The following DIS3L2 variants were observed in gnomAD, a reference collection of about 807,000 sequenced individuals.
DIS3L2 encodes the protein DIS3 like 3'-5' exoribonuclease 2.
DIS3L2 carries 34 observed loss-of-function variants against 97.5 expected under a neutral mutation model. The ratio of observed to expected loss-of-function variants is 0.35; its 90% CI spans 0.27 to 0.46. The LOEUF (loss-of-function observed/expected upper bound fraction) is 0.46. Ranked by LOEUF, DIS3L2 falls within the 20% of genes least tolerant of loss-of-function variation. The pLI is 1.00. For synonymous variants in DIS3L2, 435 were observed against 445.2 expected, an observed-to-expected ratio of 0.98 and a Z score of 0.29; for missense variants, 1,038 against 1,146.0, an observed-to-expected ratio of 0.91 and a Z score of 1.36.
At chr2:232,295,883 C>T (rs1694714315) in intron 13 of DIS3L2, among the ~76,000 whole-genome samples, 1 of 152,218 alleles carries the variant, frequency 6.6e-6, no homozygotes, top group South Asian at 2.1e-4. Context: ...CTCCTTGAGG[C>T]ATGTTCTCTC....
chr2:232,263,413 T>C lies in DIS3L2; in HGVS notation c.1632T>C (p.Phe544=), dbSNP rs2106281371. ...CCAAGCAGTTACGCCAGCAGCGCTT[T>C]GTGGACGGCGCACTTCGTTTGGATC... The part of the protein sequence containing the change: ...GIAKQLRQQR[F]VDGALRLDQL... The change falls in exon 13 of 21, where the codon TTT becomes TTC. Residue 544 remains phenylalanine (F), a synonymous_variant. Coordinates refer to ENST00000325385, the MANE Select transcript of DIS3L2 (RefSeq NM_152383.5). The C allele has an allele frequency of 3.1e-6, 5 of 1,614,190 alleles. No individual in the cohort carries two copies. The highest frequency in any genetic ancestry group is 4.2e-6 in the Non-Finnish European group (5 of 1,180,024).
At chr2:232,166,782 A>G (rs1690836436) in intron 9 of DIS3L2, among the ~76,000 whole-genome samples, 3 of 152,010 alleles carry the variant, frequency 2.0e-5, no homozygotes, top group Admixed American at 2.0e-4. Flanking sequence ...GCATTTGGGG[A>G]GGCCAAGGTG....
At chr2:232,001,557 C>CTTTTTTTTGTTT (rs1693904618) in intron 1 of DIS3L2, among the ~76,000 whole-genome samples, 1 of 61,920 alleles carries the variant, frequency 1.6e-5, no homozygotes, top group African/African-American at 8.7e-5. Context: ...TGCCATTTGT[C>CTTTTTTTTGTTT]TTTTTTTTTT....
chr2:232,161,074 C>T (rs1424544859), intron 8 of DIS3L2, among the ~76,000 whole-genome samples: 2 of 152,034 alleles, frequency 1.3e-5, no homozygotes, highest in Non-Finnish European at 2.9e-5. Context: ...TGCACCATCA[C>T]GCCCAGCTAA....
intron 5 of DIS3L2, among the ~76,000 whole-genome samples, chr2:232,082,766 A>G (rs144208696): frequency 1.3e-5 from 2 of 152,334 alleles, no homozygotes; most frequent in African/African-American, 4.8e-5. Flanking sequence ...GTTTTTGAAT[A>G]TGCTCTACAG....
intron 10 of DIS3L2, among the ~76,000 whole-genome samples, chr2:232,237,188 A>G (rs985881849): frequency 3.9e-5 from 6 of 152,150 alleles, no homozygotes; most frequent in Non-Finnish European, 8.8e-5. Context: ...CACATACACT[A>G]TATTTGATAG....
chr2:232,037,113 A>G lies in DIS3L2; in HGVS notation c.366+7033A>G, dbSNP rs1309133062. Among the ~76,000 whole-genome samples, 2 of 152,204 alleles carry G rather than the reference A, an allele frequency of 1.3e-5. No homozygotes were observed. Among genetic ancestry groups the G allele is most frequent in the African/African-American group, 4.8e-5 (2 of 41,458 alleles). On this transcript the variant is annotated intron_variant, in intron 5 of 20. Transcript: ENST00000325385. This position sits in a 1 kb window ranked among gnomAD's most constrained non-coding sequence, Gnocchi z 4.6. ...TCAGAGCTGGCAGGCAGGAATGTTT[A>G]AGTCTGCTGAAGCTGCACCCACATC...
At chr2:231,965,744 T>G (rs960465464) in intron 1 of DIS3L2, among the ~76,000 whole-genome samples, 3 of 152,190 alleles carry the variant, frequency 2.0e-5, no homozygotes, top group Admixed American at 1.3e-4. Flanking sequence ...ACTATGGCTG[T>G]GACAAGTGTT....
At chr2:231,996,554 C>G (rs1693736824) in intron 1 of DIS3L2, among the ~76,000 whole-genome samples, 1 of 152,162 alleles carries the variant, frequency 6.6e-6, no homozygotes, top group Non-Finnish European at 1.5e-5. Flanking sequence ...ATTTGAAACA[C>G]ACAAAAGTAG....
chr2:232,149,200 T>A (rs1358880265), intron 8 of DIS3L2, among the ~76,000 whole-genome samples: 1 of 147,932 alleles, frequency 6.8e-6, no homozygotes, highest in African/African-American at 2.5e-5. Flanking sequence ...AAAGTTTTTT[T>A]TTTTTTTTTA....
At chr2:232,315,041 T>G (rs1695231666) in intron 14 of DIS3L2, among the ~76,000 whole-genome samples, 1 of 152,186 alleles carries the variant, frequency 6.6e-6, no homozygotes, top group African/African-American at 2.4e-5. Flanking sequence ...TCCCTCATGC[T>G]AAGCTTTTTA....
At chr2:232,221,652 A>G (rs532208480) in intron 10 of DIS3L2, among the ~76,000 whole-genome samples, 9 of 152,164 alleles carry the variant, frequency 5.9e-5, no homozygotes, top group African/African-American at 2.2e-4. Flanking sequence ...AAAAATACAA[A>G]AATTAGCTGG....
chr2:232,292,503 T>TG lies in DIS3L2; in HGVS notation c.1660-7533dup, dbSNP rs2106313712. Among the ~76,000 whole-genome samples the TG allele has an allele frequency of 6.6e-6, 1 of 152,294 alleles. No individual in the cohort carries two copies. The highest frequency in any genetic ancestry group is 2.4e-5 in the African/African-American group (1 of 41,578). On this transcript the variant is annotated intron_variant, in intron 13 of 20. Coordinates refer to ENST00000325385, the MANE Select transcript of DIS3L2 (RefSeq NM_152383.5). This position sits in a 1 kb window ranked among gnomAD's most constrained non-coding sequence, Gnocchi z 4.4. ...CTGCATCCCATGTTCCCACAGAGTC[T>TG]GGGGAAGATTCTCCTCTCCCAAGGG...
chr2:232,243,451 T>C (rs1422513504), intron 11 of DIS3L2, among the ~76,000 whole-genome samples: 2 of 151,790 alleles, frequency 1.3e-5, no homozygotes, highest in Admixed American at 6.6e-5. Flanking sequence ...GGTTGAAGGA[T>C]AGTGAGGCCA....
intron 11 of DIS3L2, among the ~76,000 whole-genome samples, chr2:232,244,530 CATTGTAGACGT>C (rs749820896): frequency 1.2e-4 from 19 of 152,274 alleles, no homozygotes; most frequent in Non-Finnish European, 1.8e-4. Context: ...ATCCAGAGGG[CATTGTAGACGT>C]ATGTGGAGTC....
chr2:232,076,340 C>A (rs1413925285), intron 5 of DIS3L2, among the ~76,000 whole-genome samples: 1 of 152,146 alleles, frequency 6.6e-6, no homozygotes, highest in African/African-American at 2.4e-5. Context: ...AGTGGATCTG[C>A]TTTCTGCTTT....
downstream of DIS3L2, chr2:232,339,737 AGCCGG>A (rs1696064649): frequency 2.2e-6 from 1 of 455,800 alleles, no homozygotes; most frequent in African/African-American, 2.0e-5. Flanking sequence ...TGGACGAGAG[AGCCGG>A]GCCTGCCCAG....
chr2:232,147,713 A>G (rs918181505), intron 8 of DIS3L2, among the ~76,000 whole-genome samples: 1 of 152,230 alleles, frequency 6.6e-6, no homozygotes, highest in Non-Finnish European at 1.5e-5. Context: ...ACTACATTAC[A>G]TAAAAGGGAA....
At chr2:232,133,847 G>T (rs750382526) in intron 7 of DIS3L2, among the ~76,000 whole-genome samples, 1 of 151,854 alleles carries the variant, frequency 6.6e-6, no homozygotes. Context: ...AATTAGCTGG[G>T]CGTGGTGGCA....
Sources: allele counts gnomAD v4.1 joint callset (sites outside exome capture counted in the v4.1 genomes callset), GRCh38; gene constraint gnomAD v4.1.1; non-coding constraint Gnocchi (gnomAD v3.1); transcripts MANE v1.5; gene names NCBI Gene and HGNC (gene_info 2026-07-23, HGNC 2026-07-21).